The following ELK3 variants were observed in gnomAD, a reference collection of about 807,000 sequenced individuals.
ELK3 encodes the protein ETS transcription factor ELK3.
In ELK3, 10 loss-of-function variants were observed where a neutral mutation model predicts 28.9. The ratio of observed to expected loss-of-function variants is 0.35; its 90% CI spans 0.21 to 0.59. ELK3 has a LOEUF of 0.59. ELK3 is among the 20% of genes least tolerant of loss of function. ELK3 has a pLI of 0.82. For missense variants in ELK3, 463 were observed against 517.3 expected (o/e 0.90, Z 1.02); for synonymous variants, 272 against 243.5 (o/e 1.12, Z -1.09).
chr12:96,234,862 C>T (rs1352210051), intron 2 of ELK3, among the ~76,000 whole-genome samples: 4 of 152,106 alleles, frequency 2.6e-5, no homozygotes, highest in East Asian at 3.9e-4. Context: ...AGCTGGAGGG[C>T]GACACAGCTC....
chr12:96,245,076 C>A (rs905180573), intron 2 of ELK3, among the ~76,000 whole-genome samples: 2 of 152,074 alleles, frequency 1.3e-5, no homozygotes, highest in African/African-American at 4.8e-5. Context: ...ATCTAAGGTG[C>A]CCTGGGCGTC....
intron 1 of ELK3, among the ~76,000 whole-genome samples, chr12:96,221,898 G>A (rs1951664703): frequency 6.6e-6 from 1 of 152,168 alleles, no homozygotes; most frequent in East Asian, 1.9e-4. Flanking sequence ...GAGAGGAGTT[G>A]TGGGGTTGAC....
At chr12:96,222,145 A>C (rs1951666411) in intron 1 of ELK3, among the ~76,000 whole-genome samples, 1 of 152,150 alleles carries the variant, frequency 6.6e-6, no homozygotes, top group South Asian at 2.1e-4. Flanking sequence ...TGTAATGAGG[A>C]TTGATAACAC....
intron 1 of ELK3, among the ~76,000 whole-genome samples, chr12:96,206,267 T>A (rs972228340): frequency 4.6e-5 from 7 of 152,178 alleles, no homozygotes; most frequent in Non-Finnish European, 7.3e-5. Context: ...TTTTACCTAA[T>A]GAAAGGGGCA....
intron 3 of ELK3, among the ~76,000 whole-genome samples, chr12:96,251,438 G>A (rs1951905450): frequency 6.6e-6 from 1 of 152,150 alleles, no homozygotes; most frequent in East Asian, 1.9e-4. Context: ...GGCCTATAAA[G>A]TGTTCAAGAG....
At chr12:96,264,859 T>G (rs1393873704) in intron 4 of ELK3, among the ~76,000 whole-genome samples, 1 of 152,248 alleles carries the variant, frequency 6.6e-6, no homozygotes, top group Non-Finnish European at 1.5e-5. Context: ...GACGTTGTTC[T>G]TAGCACTTTT....
At chr12:96,212,287 C>T (rs1951583733) in intron 1 of ELK3, among the ~76,000 whole-genome samples, 2 of 152,160 alleles carry the variant, frequency 1.3e-5, no homozygotes, top group Admixed American at 6.5e-5. Flanking sequence ...GCAAACAACA[C>T]AGGCAACAAA....
At chr12:96,246,462 C>T (rs1001198672) in intron 2 of ELK3, among the ~76,000 whole-genome samples, 5 of 152,050 alleles carry the variant, frequency 3.3e-5, no homozygotes, top group Non-Finnish European at 7.4e-5. Context: ...TGAGACCAGC[C>T]TGAGCAACCA....
intron 2 of ELK3, among the ~76,000 whole-genome samples, chr12:96,233,387 G>A (rs1951757431): frequency 6.6e-6 from 1 of 152,190 alleles, no homozygotes; most frequent in African/African-American, 2.4e-5. Flanking sequence ...CTCATCAAGA[G>A]AGGAAAATGG....
chr12:96,217,082 C>G (rs1298918291), intron 1 of ELK3, among the ~76,000 whole-genome samples: 1 of 152,164 alleles, frequency 6.6e-6, no homozygotes, highest in Non-Finnish European at 1.5e-5. Context: ...CAGAGATGGT[C>G]TCCACAAAAA....
Position 96,267,525 on chromosome 12 carries a change from T to G in ELK3, c.*345T>G, listed in dbSNP as rs1030768885. 8.4e-5 allele frequency: 16 copies of G among 191,144 alleles called. No individual in the cohort carries two copies. Among genetic ancestry groups the G allele is most frequent in the Admixed American group, 1.1e-4 (2 of 17,898 alleles). The allele number at this position is 191,144 out of a possible 1,614,324, so 11.8% of individuals were successfully genotyped here. A position where few individuals can be genotyped will look rare whatever the true frequency, so the allele number is the denominator to read the frequency against. Reference sequence around the variant, plus strand: ...GCTTTTTTCTCTTTAGTTCTGAGTATGCTAAACTGTGTGCTTATATAGACT... The same window carrying G: ...GCTTTTTTCTCTTTAGTTCTGAGTAGGCTAAACTGTGTGCTTATATAGACT... On this transcript the variant is annotated 3_prime_UTR_variant, in exon 5 of 5. Transcript: ENST00000228741.
At chr12:96,254,876 G>GGA (rs1951935880) in intron 3 of ELK3, among the ~76,000 whole-genome samples, 1 of 152,098 alleles carries the variant, frequency 6.6e-6, no homozygotes, top group Non-Finnish European at 1.5e-5. Flanking sequence ...GACAGGGAGA[G>GGA]GAAGGCATCG....
intron 1 of ELK3, among the ~76,000 whole-genome samples, chr12:96,219,638 G>C (rs920471673): frequency 1.3e-5 from 2 of 152,148 alleles, no homozygotes; most frequent in Non-Finnish European, 2.9e-5. Context: ...AGACAACCAC[G>C]CATTTTCATC....
At chr12:96,236,298 T>C (rs1354020905) in intron 2 of ELK3, among the ~76,000 whole-genome samples, 2 of 151,684 alleles carry the variant, frequency 1.3e-5, no homozygotes, top group Admixed American at 6.6e-5. Flanking sequence ...TCCTCCCGGG[T>C]TGGGGTGTCC....
chr12:96,200,497 T>G (rs1331140785), intron 1 of ELK3, among the ~76,000 whole-genome samples: 1 of 152,036 alleles, frequency 6.6e-6, no homozygotes, highest in Non-Finnish European at 1.5e-5. Context: ...CCCCAAGTGT[T>G]TTTTGGCTTA....
chr12:96,261,663 T>C (rs1024418271), intron 4 of ELK3, among the ~76,000 whole-genome samples: 4 of 152,222 alleles, frequency 2.6e-5, no homozygotes, highest in Admixed American at 6.5e-5. Context: ...CTCTCCTTAC[T>C]GGGAATTCTG....
At chr12:96,219,887 G>T (rs1951650150) in intron 1 of ELK3, among the ~76,000 whole-genome samples, 1 of 152,174 alleles carries the variant, frequency 6.6e-6, no homozygotes, top group African/African-American at 2.4e-5. Flanking sequence ...GGTTGAAGGA[G>T]TGGCTCAAGA....
At chr12:96,222,769 T>G (rs1200298977) in intron 1 of ELK3, 1 of 152,246 alleles carries the variant, frequency 6.6e-6, no homozygotes, top group Non-Finnish European at 1.5e-5. Flanking sequence ...CACATTGCTA[T>G]AGAGAAATAC....
chr12:96,210,843 G>T (rs1951573349), intron 1 of ELK3, among the ~76,000 whole-genome samples: 1 of 152,192 alleles, frequency 6.6e-6, no homozygotes, highest in African/African-American at 2.4e-5. Flanking sequence ...CACCAGAAAT[G>T]AACAAGGAAA....
Sources: allele counts gnomAD v4.1 joint callset (sites outside exome capture counted in the v4.1 genomes callset), GRCh38; gene constraint gnomAD v4.1.1; transcripts MANE v1.5; gene names NCBI Gene and HGNC (gene_info 2026-07-23, HGNC 2026-07-21).